ECT2: variants seen among roughly 807,000 people sequenced by gnomAD.
ECT2 encodes protein ECT2.
ECT2 carries 61 observed loss-of-function variants against 116.9 expected under a neutral mutation model. The observed-to-expected ratio is 0.52, with a 90% CI of 0.42 to 0.65. The LOEUF (loss-of-function observed/expected upper bound fraction) is 0.65, where lower values mean the gene tolerates loss of function less well. Among genes scored for constraint, ECT2 ranks in the 30% least tolerant of loss-of-function variants. The pLI is 0.00. For missense variants in ECT2, 937 were observed against 1,078.7 expected, an observed-to-expected ratio of 0.87 and a Z score of 1.84; for synonymous variants, 358 against 346.4, an observed-to-expected ratio of 1.03 and a Z score of -0.37.
At chr3:172,785,144 C>T (rs985327009) in intron 17 of ECT2, among the ~76,000 whole-genome samples, 2 of 151,938 alleles carry the variant, frequency 1.3e-5, no homozygotes, top group African/African-American at 2.4e-5. Flanking sequence ...TTGTATGTCC[C>T]GACTTTTTTG....
At chr3:172,789,122 T>TGG (rs1724148508) in intron 18 of ECT2, among the ~76,000 whole-genome samples, 1 of 149,918 alleles carries the variant, frequency 6.7e-6, no homozygotes, top group Non-Finnish European at 1.5e-5. Flanking sequence ...TTTTTGCTAG[T>TGG]GGGGGATCTT....
chr3:172,776,198 C>CTTTTTTTTTTTTTTTTTTTT (rs60558773), intron 14 of ECT2, among the ~76,000 whole-genome samples: 9 of 111,596 alleles, frequency 8.1e-5, no homozygotes, highest in African/African-American at 1.4e-4. Flanking sequence ...TCAGTTTTTT[C>CTTTTTTTTTTTTTTTTTTTT]TTTTTTTTTT....
chr3:172,805,080 G>A (rs945361650), intron 20 of ECT2, among the ~76,000 whole-genome samples: 2 of 151,898 alleles, frequency 1.3e-5, no homozygotes, highest in Admixed American at 1.3e-4. Flanking sequence ...TTAGTAAATT[G>A]GCAATGGAAA....
intron 18 of ECT2, among the ~76,000 whole-genome samples, chr3:172,787,011 C>T (rs66520404): frequency 0.022 from 3,281 of 152,100 alleles, 47 homozygotes; most frequent in Admixed American, 0.034. Context: ...ATTAAATTGG[C>T]GGGATTGGTT....
intron 7 of ECT2, among the ~76,000 whole-genome samples, 194 bp downstream of exon 7, chr3:172,760,457 TTTTA>T (rs1333922798): frequency 4.6e-5 from 7 of 152,066 alleles, no homozygotes; most frequent in African/African-American, 1.7e-4. Flanking sequence ...TTTTCTTTTT[TTTTA>T]AATAGAGATG....
At chr3:172,807,142 C>G (rs1381241017) in intron 21 of ECT2, among the ~76,000 whole-genome samples, 6 of 152,092 alleles carry the variant, frequency 3.9e-5, no homozygotes, top group Non-Finnish European at 7.4e-5. Context: ...TGCATGTAAC[C>G]TATACACATC....
Position 172,764,373 on chromosome 3 carries a change from T to C in ECT2, c.1164T>C (p.Ala388=), listed in dbSNP as rs1436073579. The change falls in exon 12 of 25, where the codon GCT becomes GCC. Residue 388 remains alanine (A), a synonymous_variant. Transcript: ENST00000392692. ...GACGTCGTTTAAAAGAAACACTTGC[T>C]CAGCTTTCAAGAGAGACAGACGTGT... The part of the protein sequence containing the change: ...RKRRRLKETL[A]QLSRETDVSP... The C allele has an allele frequency of 1.9e-6, 3 of 1,614,140 alleles. No individual in the cohort carries two copies. The highest frequency in any genetic ancestry group is 2.5e-6 in the Non-Finnish European group (3 of 1,180,010).
At chr3:172,755,621 G>A (rs1716824155) in intron 4 of ECT2, 46 bp downstream of exon 4, 2 of 1,014,266 alleles carry the variant, frequency 2.0e-6, no homozygotes, top group Admixed American at 2.8e-5. Context: ...CACTTCCCTT[G>A]ATTGTATTAT....
At chr3:172,776,955 A>G (rs921162784) in intron 14 of ECT2, among the ~76,000 whole-genome samples, 3 of 151,698 alleles carry the variant, frequency 2.0e-5, no homozygotes, top group Non-Finnish European at 4.4e-5. Flanking sequence ...GCTCACTGCA[A>G]CCTCCATCTC....
rs1055828375 is a variant in ECT2 at position 172,816,930 on chromosome 3, T to C, written c.2655+93T>C. On this transcript the variant is annotated intron_variant, in intron 24 of 24. Coordinates refer to ENST00000392692, the MANE Select transcript of ECT2 (RefSeq NM_001258315.2). ...TAAAAATTGGAAATATTTCTTCCAT[T>C]TTAAAAAAATTTTAATAATTTTATT... The C allele has an allele frequency of 1.6e-5, 17 of 1,064,932 alleles. No individual in the cohort carries two copies. In the African/African-American group the frequency reaches 2.1e-4, roughly 13 times the overall value. The allele number at this position is 1,064,932 out of a possible 1,614,324, so 66.0% of individuals were successfully genotyped here.
At chr3:172,817,209 A>C (rs1729890322) in intron 24 of ECT2, among the ~76,000 whole-genome samples, 1 of 152,070 alleles carries the variant, frequency 6.6e-6, no homozygotes, top group South Asian at 2.1e-4. Flanking sequence ...ATGCTAGGGG[A>C]GAGGAGTTCT....
chr3:172,778,549 T>G (rs1287324379), intron 14 of ECT2, among the ~76,000 whole-genome samples: 3 of 151,000 alleles, frequency 2.0e-5, no homozygotes, highest in African/African-American at 7.3e-5. Flanking sequence ...TCTCTAAGCC[T>G]TAGTTTCTTT....
At chr3:172,805,688 T>C (rs776813300) in intron 20 of ECT2, 43 bp from the exon 21 acceptor site, 2 of 1,588,286 alleles carry the variant, frequency 1.3e-6, no homozygotes, top group East Asian at 4.5e-5. Context: ...TGGTCCTTTT[T>C]CTTCATTTTA....
chr3:172,770,966 G>A (rs552644179), intron 13 of ECT2, among the ~76,000 whole-genome samples: 1 of 152,246 alleles, frequency 6.6e-6, no homozygotes, highest in East Asian at 1.9e-4. Context: ...TTAGTTTAGG[G>A]AAGGTATTGG....
intron 14 of ECT2, among the ~76,000 whole-genome samples, chr3:172,781,158 C>A (rs1303579722): frequency 2.6e-5 from 4 of 152,070 alleles, no homozygotes; most frequent in Admixed American, 2.6e-4. Flanking sequence ...AATAATAGCT[C>A]ATTACATGGT....
intron 13 of ECT2, among the ~76,000 whole-genome samples, chr3:172,773,255 G>A (rs1431527076): frequency 1.3e-5 from 2 of 151,866 alleles, no homozygotes; most frequent in Admixed American, 6.6e-5. Flanking sequence ...TTATACTTAA[G>A]TATTTTATTT....
chr3:172,806,039 C>G (rs1166956632), intron 21 of ECT2, 170 bp downstream of exon 21: 2 of 639,216 alleles, frequency 3.1e-6, no homozygotes, highest in African/African-American at 3.6e-5. Context: ...TCTCTAGGAA[C>G]AGAACTGACT....
chr3:172,756,907 A>T, intron 4 of ECT2, 76 bp from the exon 5 acceptor site: 1 of 1,256,308 alleles, frequency 8.0e-7, no homozygotes, highest in East Asian at 2.5e-5. Context: ...ATTGATTGTT[A>T]AGCCTTATTT....
At chr3:172,775,162 G>T (rs1559965582) in intron 14 of ECT2, among the ~76,000 whole-genome samples, 1 of 111,212 alleles carries the variant, frequency 9.0e-6, no homozygotes, top group Admixed American at 1.1e-4. Flanking sequence ...TAAGTAAGTA[G>T]TTTAGTTTTA....
Sources: gnomAD v4.1 joint callset for allele counts (sites outside exome capture counted in the v4.1 genomes callset) on GRCh38, gnomAD v4.1.1 for gene constraint, MANE v1.5 for transcripts, NCBI Gene and HGNC (gene_info 2026-07-23, HGNC 2026-07-21) for gene names.